The following TRMU variants were observed in gnomAD, a reference collection of about 807,000 sequenced individuals.
The protein encoded by TRMU is tRNA mitochondrial 2-thiouridylase.
Under a neutral mutation model 46.9 loss-of-function variants are expected in TRMU, and 49 were observed. That is an observed-to-expected ratio of 1.05 (90% confidence interval 0.83 to 1.33). The LOEUF is 1.33. Ranked by LOEUF, TRMU falls within the 40% of genes most tolerant of loss-of-function variation. The pLI, the probability that TRMU is intolerant of heterozygous loss-of-function variation, is 0.00. For synonymous variants in TRMU, 241 were observed against 200.9 expected (o/e 1.20, Z -1.69); for missense variants, 572 against 532.4 (o/e 1.07, Z -0.73).
intron 3 of TRMU, among the ~76,000 whole-genome samples, chr22:46,344,143 A>T (rs2147037102): frequency 6.6e-6 from 1 of 152,362 alleles, no homozygotes; most frequent in Middle Eastern, 3.4e-3. Context: ...TAATTCTCCT[A>T]GGACAAGATT....
chr22:46,351,633 C>T lies in TRMU; in HGVS notation c.652-488C>T. On this transcript the variant is annotated intron_variant, in intron 5 of 10. Transcript: ENST00000645190. This position sits in a 1 kb window ranked among gnomAD's most constrained non-coding sequence, Gnocchi z 6.4. ...GAGACACAAACCAGAGTAAACGATG[C>T]AGCCCCTGATGGGGCCACGGTGGAG... 1 of 252,798 alleles carries T rather than the reference C, an allele frequency of 4.0e-6. No individual in the cohort carries two copies. 15.7% of individuals were successfully genotyped at this position (252,798 alleles called of 1,614,324 possible).
intron 10 of TRMU, chr22:46,356,557 A>AG: frequency 2.0e-6 from 1 of 503,382 alleles, no homozygotes; most frequent in Non-Finnish European, 3.6e-6. Context: ...CACATTCCCA[A>AG]GGGGTGCAGA....
chr22:46,343,199 C>CTTTTTT, intron 2 of TRMU, 63 bp from the exon 3 acceptor site: 2 of 962,286 alleles, frequency 2.1e-6, no homozygotes, highest in South Asian at 1.5e-5. Flanking sequence ...ATTTAGTGAA[C>CTTTTTT]TTTTTTTTTT....
chr22:46,341,550 C>A (rs1443749526), intron 2 of TRMU, among the ~76,000 whole-genome samples: 1 of 151,878 alleles, frequency 6.6e-6, no homozygotes, highest in African/African-American at 2.4e-5. Context: ...CTGCAAAACA[C>A]AAACCTCTTG....
chr22:46,343,391 A>T (rs543069689), intron 3 of TRMU, 23 bp downstream of exon 3: 89 of 1,287,164 alleles, frequency 6.9e-5, no homozygotes, highest in African/African-American at 1.2e-4. Flanking sequence ...GGTTTAAAAC[A>T]TTTTTTTTTT....
chr22:46,356,670 G>GGCCTC, intron 10 of TRMU, 172 bp from the exon 11 acceptor site: 1 of 753,638 alleles, frequency 1.3e-6, no homozygotes, highest in Non-Finnish European at 2.2e-6. Flanking sequence ...GGGTGCCCCA[G>GGCCTC]GCCTCTCCTC....
In TRMU at chr22:46,350,268, C is replaced by T. The variant is rs375469339; in HGVS notation, c.479-23C>T. On this transcript the variant is annotated intron_variant, in intron 4 of 10. Transcript: ENST00000645190. This position sits in a 1 kb window ranked among gnomAD's most constrained non-coding sequence, Gnocchi z 4.6. ...ATCATTATTTTTATTCCTGCATCGT[C>T]TTTTGTTCTTTATTCTTGGCAGCGG... 1.9e-5 allele frequency: 30 copies of T among 1,613,954 alleles called. No homozygotes were observed. The highest frequency in any genetic ancestry group is 1.9e-5 in the Non-Finnish European group (23 of 1,179,966).
At position 46,350,559 on chromosome 22, in the gene TRMU, C is replaced by G. The variant is rs1174818657; in HGVS notation, c.651+96C>G. On this transcript the variant is annotated intron_variant, in intron 5 of 10. Coordinates refer to ENST00000645190, the MANE Select transcript of TRMU (RefSeq NM_018006.5). This position sits in a 1 kb window ranked among gnomAD's most constrained non-coding sequence, Gnocchi z 4.6. Reference sequence around the variant, plus strand: ...ACCTGTGGGTCCCGCACCACTTCCCCTTCTCCAGGACCTAACATCAAAGGC... The same window carrying G: ...ACCTGTGGGTCCCGCACCACTTCCCGTTCTCCAGGACCTAACATCAAAGGC... The G allele has an allele frequency of 9.5e-6, 14 of 1,467,376 alleles. No homozygotes were observed. In the East Asian group the frequency reaches 3.2e-4, roughly 33 times the overall value. The allele number at this position is 1,467,376 out of a possible 1,614,324, so 90.9% of individuals were successfully genotyped here. A position where few individuals can be genotyped will look rare whatever the true frequency, so the allele number is the denominator to read the frequency against.
chr22:46,338,105 C>G lies in TRMU; in HGVS notation c.248+161C>G. 1.0e-6 allele frequency: 1 copy of G among 979,436 alleles called. No individual in the cohort carries two copies. The highest frequency in any genetic ancestry group is 1.6e-6 in the Non-Finnish European group (1 of 632,606). 60.7% of individuals were successfully genotyped at this position (979,436 alleles called of 1,614,324 possible). The stretch of plus-strand genomic sequence containing the variant: ...AGAGGCCTCAGCCACCCTCGGGGCT[C>G]TGTGTTAGAGGCGAGGCCTGGACCC... On this transcript the variant is annotated intron_variant, in intron 2 of 10. Coordinates refer to ENST00000645190, the MANE Select transcript of TRMU (RefSeq NM_018006.5). The surrounding 1 kb of genome is among the most constrained non-coding windows in gnomAD (Gnocchi z 4.5).
intron 2 of TRMU, among the ~76,000 whole-genome samples, chr22:46,340,207 G>T (rs1173184548): frequency 6.6e-6 from 1 of 152,164 alleles, no homozygotes; most frequent in African/African-American, 2.4e-5. Context: ...GTGGTGTGGG[G>T]GGTTGTCAGG....
At chr22:46,337,435 C>CAAA (rs1268142202) in intron 1 of TRMU, among the ~76,000 whole-genome samples, 1 of 152,156 alleles carries the variant, frequency 6.6e-6, no homozygotes, top group African/African-American at 2.4e-5. Flanking sequence ...AAAAGAGTTT[C>CAAA]CTTTTTTGAT....
Position 46,350,891 on chromosome 22 carries a change from C to T in TRMU, c.651+428C>T, listed in dbSNP as rs919911568. Among the ~76,000 whole-genome samples the T allele has an allele frequency of 3.9e-5, 6 of 152,244 alleles. No individual in the cohort carries two copies. The highest frequency in any genetic ancestry group is 2.1e-4 in the South Asian group (1 of 4,834). On this transcript the variant is annotated intron_variant, in intron 5 of 10. Coordinates refer to ENST00000645190, the MANE Select transcript of TRMU (RefSeq NM_018006.5). This position sits in a 1 kb window ranked among gnomAD's most constrained non-coding sequence, Gnocchi z 4.6. ...ACAGACTCGTTCGGTGCCATCTGTT[C>T]GGGCGCTGTGCTGCTGGGCCGCGAG...
intron 5 of TRMU, 76 bp from the exon 6 acceptor site, chr22:46,352,045 C>G: frequency 1.3e-6 from 2 of 1,544,578 alleles, no homozygotes; most frequent in Non-Finnish European, 1.8e-6. Flanking sequence ...GCCCCAGGGC[C>G]CGCTCAGGAC....
chr22:46,336,227 G>A lies in TRMU; in HGVS notation c.82+381G>A, dbSNP rs2077973310. ...AGGGGAGCTGGGATCGCCGGGCCGG[G>A]GGCCTGACCTCTGCACACGCTGTGG... On this transcript the variant is annotated intron_variant, in intron 1 of 10. Transcript: ENST00000645190. This position sits in a 1 kb window ranked among gnomAD's most constrained non-coding sequence, Gnocchi z 4.1. The A allele has an allele frequency of 7.1e-6, 7 of 991,674 alleles. No homozygotes were observed. In the South Asian group the frequency reaches 1.5e-4, roughly 21 times the overall value. The allele number at this position is 991,674 out of a possible 1,614,324, so 61.4% of individuals were successfully genotyped here. A position where few individuals can be genotyped will look rare whatever the true frequency, so the allele number is the denominator to read the frequency against.
At chr22:46,352,373 G>T (rs1403338596) in intron 7 of TRMU, 43 bp downstream of exon 7, 2 of 1,606,278 alleles carry the variant, frequency 1.2e-6, no homozygotes, top group Non-Finnish European at 1.7e-6. Context: ...AATGCCTAGA[G>T]CTGTGGCGTT....
chr22:46,353,356 C>T, intron 7 of TRMU: 1 of 272,916 alleles, frequency 3.7e-6, no homozygotes, highest in East Asian at 8.8e-5. Flanking sequence ...GTGCGCAGAG[C>T]AGCTGGGGGT....
At chr22:46,344,520 CAGTTAGG>C (rs1406278886) in intron 3 of TRMU, among the ~76,000 whole-genome samples, 1 of 152,184 alleles carries the variant, frequency 6.6e-6, no homozygotes, top group Non-Finnish European at 1.5e-5. Context: ...CACCAGCAGA[CAGTTAGG>C]ACTGGCAGGA....
At position 46,357,286 on chromosome 22, in the gene TRMU, G is replaced by T. The variant is rs1234327660; in HGVS notation, c.*280G>T. 3.7e-6 allele frequency: 2 copies of T among 546,922 alleles called. No individual in the cohort carries two copies. Among genetic ancestry groups the T allele is most frequent in the East Asian group, 6.4e-5 (2 of 31,198 alleles). The allele number at this position is 546,922 out of a possible 1,614,324, so 33.9% of individuals were successfully genotyped here. ...TTTCCCACCTCAGAGTACACCGAGGGGACCTGCAGAGGGGGCTGTCGGGAC... is the reference window on the plus strand; with the variant it reads ...TTTCCCACCTCAGAGTACACCGAGGTGACCTGCAGAGGGGGCTGTCGGGAC... On this transcript the variant is annotated 3_prime_UTR_variant, in exon 11 of 11. Transcript: ENST00000645190.
intron 9 of TRMU, 132 bp from the exon 10 acceptor site, chr22:46,355,858 G>A: frequency 3.5e-6 from 4 of 1,129,186 alleles, no homozygotes; most frequent in South Asian, 1.3e-5. Flanking sequence ...CCAGGGCCCA[G>A]GCTGGTGCCC....
Sources: gnomAD v4.1 joint callset for allele counts (sites outside exome capture counted in the v4.1 genomes callset) on GRCh38, gnomAD v4.1.1 for gene constraint, Gnocchi (gnomAD v3.1) non-coding constraint, MANE v1.5 for transcripts, NCBI Gene and HGNC (gene_info 2026-07-23, HGNC 2026-07-21) for gene names.